The following EXOC6B variants were observed in gnomAD, a reference collection of about 807,000 sequenced individuals.
EXOC6B encodes the protein SEC15 homolog B.
EXOC6B carries 54 observed loss-of-function variants against 113.5 expected under a neutral mutation model. The observed-to-expected ratio is 0.48, with a 90% CI of 0.38 to 0.60. EXOC6B has a LOEUF of 0.60. Ranked by LOEUF, EXOC6B falls within the 20% of genes least tolerant of loss-of-function variation. The pLI, the probability that EXOC6B is intolerant of heterozygous loss-of-function variation, is 0.00. For missense variants in EXOC6B, 797 were observed against 977.5 expected, an observed-to-expected ratio of 0.82 and a Z score of 2.46; for synonymous variants, 357 against 339.0, an observed-to-expected ratio of 1.05 and a Z score of -0.58.
chr2:72,401,739 A>C (rs1450934731), intron 18 of EXOC6B, among the ~76,000 whole-genome samples: 3 of 137,676 alleles, frequency 2.2e-5, no homozygotes, highest in African/African-American at 7.8e-5. Context: ...ACTAGGGTCC[A>C]TTATCTTAAG....
intron 6 of EXOC6B, among the ~76,000 whole-genome samples, chr2:72,602,026 G>C (rs1324682244): frequency 6.6e-6 from 1 of 152,142 alleles, no homozygotes; most frequent in African/African-American, 2.4e-5. Context: ...AAAGGAGGAG[G>C]AATGAATGAG....
intron 20 of EXOC6B, among the ~76,000 whole-genome samples, chr2:72,287,764 G>A (rs1306815203): frequency 2.0e-5 from 3 of 152,014 alleles, no homozygotes; most frequent in African/African-American, 7.2e-5. Flanking sequence ...CAGAAGATCT[G>A]ACTATTCACT....
At chr2:72,607,983 G>T (rs1420931064) in intron 6 of EXOC6B, among the ~76,000 whole-genome samples, 1 of 152,084 alleles carries the variant, frequency 6.6e-6, no homozygotes, top group Non-Finnish European at 1.5e-5. Context: ...GATATTATTT[G>T]AAGGTAGGAT....
chr2:72,278,329 T>C (rs1302145002), intron 20 of EXOC6B, among the ~76,000 whole-genome samples: 4 of 152,148 alleles, frequency 2.6e-5, no homozygotes, highest in Non-Finnish European at 4.4e-5. Context: ...CAACTTTCCT[T>C]AATGAGAAAT....
rs570937813 is a variant in EXOC6B at position 72,659,895 on chromosome 2, A to AT, written c.669+58207dup. On this transcript the variant is annotated intron_variant, in intron 6 of 21. Coordinates refer to ENST00000272427, the MANE Select transcript of EXOC6B (RefSeq NM_015189.3). ...ATTCACATTTGTTGTGCATATGCCAATGAACCTAAGGTATTTGTAATGTTA... is the reference window on the plus strand; with the variant it reads ...ATTCACATTTGTTGTGCATATGCCAATTGAACCTAAGGTATTTGTAATGTTA... Among the ~76,000 whole-genome samples, 342 of 152,294 alleles carry AT rather than the reference A, an allele frequency of 2.2e-3. 1 individual carries two copies. Among genetic ancestry groups the AT allele is most frequent in the African/African-American group, 7.9e-3 (330 of 41,578 alleles).
In EXOC6B at chr2:72,309,890, G is replaced by A. The variant is rs74792126; in HGVS notation, c.2196+25057C>T. ...CCTATTCTGAATATTTCATATAAATGGAATCATATATGACTTTTTGTGTTT... is the reference window on the plus strand; with the variant it reads ...CCTATTCTGAATATTTCATATAAATAGAATCATATATGACTTTTTGTGTTT... On this transcript the variant is annotated intron_variant, in intron 20 of 21. Coordinates refer to ENST00000272427, the MANE Select transcript of EXOC6B (RefSeq NM_015189.3). Among the ~76,000 whole-genome samples the A allele has an allele frequency of 3.5e-4, 53 of 152,110 alleles. 1 individual carries two copies. The highest frequency in any genetic ancestry group is 1.3e-3 in the African/African-American group (53 of 41,502).
chr2:72,438,285 G>A (rs1477328366), intron 18 of EXOC6B, among the ~76,000 whole-genome samples: 2 of 151,664 alleles, frequency 1.3e-5, no homozygotes, highest in African/African-American at 4.8e-5. Context: ...TCTGAAGCTT[G>A]AGCCTGTAGC....
chr2:72,589,530 G>A (rs1459763887), intron 6 of EXOC6B, among the ~76,000 whole-genome samples: 2 of 149,190 alleles, frequency 1.3e-5, no homozygotes, highest in Non-Finnish European at 1.5e-5. Context: ...CACATTCCAG[G>A]AAAAAAAAAA....
Position 72,328,579 on chromosome 2 carries a change from T to A in EXOC6B, c.2196+6368A>T, listed in dbSNP as rs150102036. 5.4e-3 allele frequency among the ~76,000 whole-genome samples: 823 copies of A among 152,258 alleles called. 8 individuals carry two copies. The highest frequency in any genetic ancestry group is 0.019 in the African/African-American group (777 of 41,548). On this transcript the variant is annotated intron_variant, in intron 20 of 21. Coordinates refer to ENST00000272427, the MANE Select transcript of EXOC6B (RefSeq NM_015189.3). ...TACCTGGGCTAGGCACAGTGTTGAA[T>A]AAATGAATGAACATTTCCTGATTAG...
chr2:72,266,854 C>T (rs541123252), intron 20 of EXOC6B, among the ~76,000 whole-genome samples: 1 of 152,116 alleles, frequency 6.6e-6, no homozygotes, highest in African/African-American at 2.4e-5. Context: ...GGCAGTATGG[C>T]CATTTTCACG....
intron 6 of EXOC6B, among the ~76,000 whole-genome samples, chr2:72,711,075 T>C (rs192368285): frequency 6.6e-6 from 1 of 152,104 alleles, no homozygotes; most frequent in African/African-American, 2.4e-5. Flanking sequence ...AAATAAGAAA[T>C]ACAGATCTTC....
intron 1 of EXOC6B, among the ~76,000 whole-genome samples, chr2:72,763,595 G>C (rs758394768): frequency 4.6e-5 from 7 of 150,920 alleles, no homozygotes; most frequent in Non-Finnish European, 7.4e-5. Flanking sequence ...GGTAATTTTT[G>C]TATTTTTTGG....
intron 20 of EXOC6B, among the ~76,000 whole-genome samples, chr2:72,304,563 G>C (rs1264746369): frequency 6.6e-6 from 1 of 152,038 alleles, no homozygotes; most frequent in Non-Finnish European, 1.5e-5. Context: ...GTTAGAAAAG[G>C]TATGTATGTT....
chr2:72,806,337 T>C (rs1214667232), intron 1 of EXOC6B, among the ~76,000 whole-genome samples: 2 of 152,234 alleles, frequency 1.3e-5, no homozygotes, highest in African/African-American at 2.4e-5. Context: ...GCTGCATCCA[T>C]GCTGCTGCAA....
chr2:72,527,364 T>C (rs1300444938), intron 8 of EXOC6B, among the ~76,000 whole-genome samples: 1 of 151,974 alleles, frequency 6.6e-6, no homozygotes, highest in Admixed American at 6.5e-5. Flanking sequence ...TCCAGTTTGT[T>C]ACATATATCA....
chr2:72,409,940 T>C (rs1327245307), intron 18 of EXOC6B, among the ~76,000 whole-genome samples: 1 of 152,138 alleles, frequency 6.6e-6, no homozygotes, highest in Non-Finnish European at 1.5e-5. Flanking sequence ...TTGGAACTAA[T>C]AACAGGGTCC....
chr2:72,251,339 AT>A (rs1181942359), intron 20 of EXOC6B, among the ~76,000 whole-genome samples: 1 of 152,224 alleles, frequency 6.6e-6, no homozygotes, highest in Non-Finnish European at 1.5e-5. Context: ...ATCTAAAAGA[AT>A]ATTTAACTTA....
chr2:72,356,205 G>T (rs1213373145), intron 19 of EXOC6B, among the ~76,000 whole-genome samples: 1 of 152,096 alleles, frequency 6.6e-6, no homozygotes, highest in African/African-American at 2.4e-5. Context: ...CAGATACCCA[G>T]GTTTCCAAAA....
At chr2:72,373,990 T>C (rs1691197681) in intron 19 of EXOC6B, among the ~76,000 whole-genome samples, 1 of 152,116 alleles carries the variant, frequency 6.6e-6, no homozygotes. Context: ...GGCATGGTAG[T>C]TAAGCCTGGG....
Sources: allele counts gnomAD v4.1 joint callset (sites outside exome capture counted in the v4.1 genomes callset), GRCh38; gene constraint gnomAD v4.1.1; transcripts MANE v1.5; gene names NCBI Gene and HGNC (gene_info 2026-07-23, HGNC 2026-07-21).